The following ARMC2 variants were observed in gnomAD, a reference collection of about 807,000 sequenced individuals.
ARMC2 encodes armadillo repeat-containing protein 2.
In ARMC2, 67 loss-of-function variants were observed where a neutral mutation model predicts 90.3. The ratio of observed to expected loss-of-function variants is 0.74; its 90% CI spans 0.61 to 0.91. The LOEUF is 0.91. Ranked by LOEUF, ARMC2 falls within the 40% of genes least tolerant of loss-of-function variation. The pLI, the probability that ARMC2 is intolerant of heterozygous loss-of-function variation, is 0.00. For synonymous variants in ARMC2, 393 were observed against 393.0 expected (o/e 1.00, Z 0.00); for missense variants, 920 against 1,030.9 (o/e 0.89, Z 1.47).
At chr6:108,960,418 A>AG (rs1171673020) in intron 13 of ARMC2, among the ~76,000 whole-genome samples, 2 of 152,238 alleles carry the variant, frequency 1.3e-5, no homozygotes, top group Non-Finnish European at 2.9e-5. Flanking sequence ...AGTGGGAGGC[A>AG]GGGACAAAAA....
At chr6:109,041,209 G>A in the ARMC2 span, among the ~76,000 whole-genome samples, 9 of 151,856 alleles carry the variant, frequency 5.9e-5, no homozygotes, top group Non-Finnish European at 1.0e-4. Flanking sequence ...CTACTTGGGG[G>A]GCTTAGGCAG....
Position 108,904,400 on chromosome 6 carries a change from C to T in ARMC2, c.1018C>T (p.Leu340=), listed in dbSNP as rs145604834. 275 of 1,601,062 alleles carry T rather than the reference C, an allele frequency of 1.7e-4. No individual in the cohort carries two copies. Among genetic ancestry groups the T allele is most frequent in the Non-Finnish European group, 2.3e-4 (266 of 1,175,984 alleles). Residue 340 remains leucine, a synonymous_variant, in exon 8 of 18, where the codon CTA becomes TTA. Coordinates refer to ENST00000392644, the MANE Select transcript of ARMC2 (RefSeq NM_032131.6). ...CAGCCTTAAACTTGCAAAAATAATT[C>T]TAGCAGTAAGTTTTTCTTTCCTCTG... The part of the protein sequence containing the change: ...SLSLKLAKII[L]ALKVSRKNLL...
the ARMC2 span, among the ~76,000 whole-genome samples, chr6:109,018,595 A>T: frequency 6.6e-6 from 1 of 152,192 alleles, no homozygotes; most frequent in Non-Finnish European, 1.5e-5. Context: ...TCCCATCATG[A>T]TTCCTTAGTT....
chr6:108,988,143 T>C, the ARMC2 span, among the ~76,000 whole-genome samples: 48 of 152,348 alleles, frequency 3.2e-4, no homozygotes, highest in East Asian at 6.0e-3. Flanking sequence ...TTATCATGTT[T>C]CTTGGAGGTT....
At chr6:109,022,516 G>A in the ARMC2 span, among the ~76,000 whole-genome samples, 3 of 138,740 alleles carry the variant, frequency 2.2e-5, no homozygotes, top group Non-Finnish European at 4.5e-5. Context: ...TCCACCTCCC[G>A]GGTTCATGCC....
intron 11 of ARMC2, among the ~76,000 whole-genome samples, chr6:108,933,790 T>A (rs997380432): frequency 6.6e-6 from 1 of 152,194 alleles, no homozygotes; most frequent in Non-Finnish European, 1.5e-5. Context: ...TAGTATGATA[T>A]TGGCTGTGGG....
At chr6:109,009,396 C>G in the ARMC2 span, 1 of 1,461,818 alleles carries the variant, frequency 6.8e-7, no homozygotes, top group Non-Finnish European at 9.0e-7. Context: ...CTGCTTGCAG[C>G]CCAGCAGCCC....
In ARMC2 at chr6:108,868,982, TCCTC is replaced by T; in HGVS notation, c.456_459del (p.Ser153ThrfsTer13). 1 of 1,612,370 alleles carries T rather than the reference TCCTC, an allele frequency of 6.2e-7. No individual in the cohort carries two copies. Among genetic ancestry groups the T allele is most frequent in the Non-Finnish European group, 8.5e-7 (1 of 1,179,258 alleles). Reference sequence around the variant, plus strand: ...GGGCCCTTCTGCCGGACAGATCCCTTCCTCCCTCCGACTGTAAGGCCATGTAACA... The same window carrying T: ...GGGCCCTTCTGCCGGACAGATCCCTTCCTCCGACTGTAAGGCCATGTAACA... On this transcript the variant is annotated frameshift_variant, in exon 4 of 18. Coordinates refer to ENST00000392644, the MANE Select transcript of ARMC2 (RefSeq NM_032131.6). LOFTEE classifies it high-confidence loss of function.
At chr6:108,927,055 A>G (rs1775163186) in intron 10 of ARMC2, among the ~76,000 whole-genome samples, 1 of 152,054 alleles carries the variant, frequency 6.6e-6, no homozygotes, top group South Asian at 2.1e-4. Context: ...TTTATATACT[A>G]TGGCTGTAAG....
At chr6:108,972,095 G>T (rs1252837905) in intron 17 of ARMC2, among the ~76,000 whole-genome samples, 1 of 152,132 alleles carries the variant, frequency 6.6e-6, no homozygotes, top group African/African-American at 2.4e-5. Context: ...AGAGTGTGAG[G>T]CTCAACATCA....
At position 108,911,015 on chromosome 6, in the gene ARMC2, A is replaced by G. The variant is rs960516596; in HGVS notation, c.1126+14A>G. The stretch of plus-strand genomic sequence containing the variant: ...ACAGCATTCTGGGTGAGTGTCATTC[A>G]GTGCTACTATTGAGCAAATGCTGTA... On this transcript the variant is annotated intron_variant, in intron 9 of 17. Transcript: ENST00000392644. 17 of 1,483,460 alleles carry G rather than the reference A, an allele frequency of 1.1e-5. No homozygotes were observed. The highest frequency in any genetic ancestry group is 2.8e-5 in the African/African-American group (2 of 72,112). The allele number at this position is 1,483,460 out of a possible 1,614,324, so 91.9% of individuals were successfully genotyped here.
intron 10 of ARMC2, among the ~76,000 whole-genome samples, chr6:108,915,153 A>G (rs1562384507): frequency 6.6e-6 from 1 of 151,950 alleles, no homozygotes; most frequent in African/African-American, 2.4e-5. Flanking sequence ...ACAGGGTTTC[A>G]CCATGTTGGC....
At chr6:109,049,681 AAGG>A in the ARMC2 span, among the ~76,000 whole-genome samples, 2 of 150,860 alleles carry the variant, frequency 1.3e-5, no homozygotes, top group African/African-American at 4.8e-5. Flanking sequence ...AAAAAATAAA[AAGG>A]AGAGGGGACG....
At chr6:109,023,940 T>G in the ARMC2 span, among the ~76,000 whole-genome samples, 2 of 152,166 alleles carry the variant, frequency 1.3e-5, no homozygotes, top group East Asian at 3.9e-4. Flanking sequence ...AAAGAATGAG[T>G]GATTTTTTTT....
chr6:108,880,125 C>A, intron 5 of ARMC2: 5 of 364,550 alleles, frequency 1.4e-5, no homozygotes, highest in Middle Eastern at 8.9e-4. Flanking sequence ...GAAACAACAA[C>A]AAAAAAATGG....
At chr6:108,932,051 C>T (rs1775603257) in intron 11 of ARMC2, among the ~76,000 whole-genome samples, 1 of 151,790 alleles carries the variant, frequency 6.6e-6, no homozygotes, top group Non-Finnish European at 1.5e-5. Flanking sequence ...AGGCGTGAGC[C>T]ACCGCACCTG....
chr6:108,903,355 C>T (rs930373409), intron 7 of ARMC2, among the ~76,000 whole-genome samples: 2 of 152,028 alleles, frequency 1.3e-5, no homozygotes, highest in Non-Finnish European at 2.9e-5. Flanking sequence ...ACCCTCCCAC[C>T]TCGGCCTCCC....
the ARMC2 span, chr6:108,993,053 G>C: frequency 3.5e-6 from 2 of 571,738 alleles, no homozygotes; most frequent in Non-Finnish European, 6.1e-6. Flanking sequence ...TAGTTTACTT[G>C]CTAGTAAACA....
At chr6:108,999,740 T>TC in the ARMC2 span, among the ~76,000 whole-genome samples, 2 of 152,162 alleles carry the variant, frequency 1.3e-5, no homozygotes, top group African/African-American at 4.8e-5. Flanking sequence ...AACGTAGGCT[T>TC]ACCGTATTAT....
Sources: gnomAD v4.1 joint callset for allele counts (sites outside exome capture counted in the v4.1 genomes callset) on GRCh38, gnomAD v4.1.1 for gene constraint, MANE v1.5 for transcripts, NCBI Gene and HGNC (gene_info 2026-07-23, HGNC 2026-07-21) for gene names.